SNX24: variants seen among roughly 807,000 people sequenced by gnomAD.
SNX24 encodes sorting nexin 24, also known as sorting nexin-24.
A neutral mutation model predicts 28.7 loss-of-function variants in SNX24; 22 were observed. The observed-to-expected ratio is 0.77, with a 90% CI of 0.55 to 1.10. The LOEUF is 1.10. Among genes scored for constraint, SNX24 ranks in the 50% least tolerant of loss-of-function variants. The probability of loss-of-function intolerance (pLI) is 0.00; values close to 1 mark genes in which losing one functional copy is unlikely to be tolerated. For synonymous variants in SNX24, 69 were observed against 71.5 expected (o/e 0.96, Z 0.18); for missense variants, 221 against 201.1 (o/e 1.10, Z -0.60).
At chr5:122,905,588 A>G (rs77420267) in intron 1 of SNX24, among the ~76,000 whole-genome samples, 4,342 of 152,320 alleles carry the variant, frequency 0.029, 180 homozygotes, top group African/African-American at 0.085. Context: ...ACCAGTAAGT[A>G]TAATACAAAT....
chr5:123,010,563 A>G (rs1762553885), downstream of SNX24, among the ~76,000 whole-genome samples: 1 of 152,214 alleles, frequency 6.6e-6, no homozygotes, highest in Admixed American at 6.5e-5. Context: ...CTGGGATTAC[A>G]GGCATGAGCC....
At chr5:123,024,456 G>C (rs562309489) in intron 5 of SNX24, among the ~76,000 whole-genome samples, 3 of 152,160 alleles carry the variant, frequency 2.0e-5, no homozygotes, top group Non-Finnish European at 2.9e-5. Flanking sequence ...AATGGACCTA[G>C]TTCTAGGTTT....
At chr5:122,873,358 T>C (rs1381165147) in intron 1 of SNX24, among the ~76,000 whole-genome samples, 1 of 152,158 alleles carries the variant, frequency 6.6e-6, no homozygotes, top group Non-Finnish European at 1.5e-5. Context: ...ATGAAGCTGA[T>C]CTTTCTGTGG....
chr5:122,939,996 C>CTTTTTTTTTTT (rs11419088), intron 2 of SNX24, among the ~76,000 whole-genome samples: 3 of 147,686 alleles, frequency 2.0e-5, no homozygotes, highest in African/African-American at 7.5e-5. Flanking sequence ...TTTTCATTTT[C>CTTTTTTTTTTT]TTTTTTTTTT....
chr5:122,969,543 A>C (rs1013457138), intron 3 of SNX24, among the ~76,000 whole-genome samples: 10 of 152,324 alleles, frequency 6.6e-5, no homozygotes, highest in Admixed American at 5.2e-4. Flanking sequence ...TGCAGGATTC[A>C]GGATGAAATC....
intron 5 of SNX24, chr5:123,023,645 G>T: frequency 2.2e-6 from 1 of 448,832 alleles, no homozygotes; most frequent in Non-Finnish European, 3.4e-6. Flanking sequence ...AGCACCACTT[G>T]AGGAAGGGGA....
At position 122,988,080 on chromosome 5, in the gene SNX24, G is replaced by A. The variant is rs139007240; in HGVS notation, c.250-11832G>A. Reference sequence around the variant, plus strand: ...TTCCCTGCCCCCCTTTCCAGGACACGGTTGGAACAGACTGAGGTGAGGGTG... The same window carrying A: ...TTCCCTGCCCCCCTTTCCAGGACACAGTTGGAACAGACTGAGGTGAGGGTG... On this transcript the variant is annotated intron_variant, in intron 3 of 6. Transcript: ENST00000261369. 3.7e-3 allele frequency among the ~76,000 whole-genome samples: 571 copies of A among 152,296 alleles called. 4 individuals carry two copies. Among genetic ancestry groups the A allele is most frequent in the African/African-American group, 0.013 (524 of 41,568 alleles).
intron 1 of SNX24, among the ~76,000 whole-genome samples, chr5:122,868,782 C>G (rs1001873371): frequency 6.6e-6 from 1 of 152,050 alleles, no homozygotes; most frequent in East Asian, 1.9e-4. Context: ...GTTCTTCACT[C>G]AGCCTATAGG....
chr5:122,919,454 A>G (rs563380012), intron 1 of SNX24, among the ~76,000 whole-genome samples: 27 of 152,134 alleles, frequency 1.8e-4, no homozygotes, highest in Non-Finnish European at 3.2e-4. Context: ...AAAGTACAAA[A>G]CTCATTTAGG....
At chr5:122,985,370 G>T (rs1044506876) in intron 3 of SNX24, among the ~76,000 whole-genome samples, 1 of 152,146 alleles carries the variant, frequency 6.6e-6, no homozygotes, top group African/African-American at 2.4e-5. Context: ...TCAAGACCTG[G>T]ATTCTCAACT....
chr5:122,910,659 C>T (rs944486540), intron 1 of SNX24, among the ~76,000 whole-genome samples: 2 of 139,326 alleles, frequency 1.4e-5, no homozygotes, highest in African/African-American at 5.4e-5. Context: ...TGATGTTCCC[C>T]TTCCTGTGTC....
At chr5:123,019,503 A>T (rs535264470) in intron 5 of SNX24, among the ~76,000 whole-genome samples, 40 of 152,376 alleles carry the variant, frequency 2.6e-4, no homozygotes, top group African/African-American at 9.4e-4. Context: ...TTCATCAGAA[A>T]TAAAGTAATT....
intron 3 of SNX24, among the ~76,000 whole-genome samples, chr5:122,974,536 T>C (rs889115119): frequency 6.6e-6 from 1 of 152,250 alleles, no homozygotes; most frequent in African/African-American, 2.4e-5. Context: ...GCCAAATCAA[T>C]GGCTGCATAC....
chr5:122,953,360 C>T (rs955833987), intron 3 of SNX24, among the ~76,000 whole-genome samples: 1 of 152,168 alleles, frequency 6.6e-6, no homozygotes, highest in African/African-American at 2.4e-5. Flanking sequence ...CCGTCTTGGC[C>T]TCCCAGAGTG....
At chr5:123,023,978 TG>T in intron 5 of SNX24, 1 of 1,613,664 alleles carries the variant, frequency 6.2e-7, no homozygotes, top group Non-Finnish European at 8.5e-7. Flanking sequence ...ATCAGTTGCT[TG>T]GAGCTCTATG....
At chr5:122,988,519 C>T (rs1761699339) in intron 3 of SNX24, among the ~76,000 whole-genome samples, 1 of 152,186 alleles carries the variant, frequency 6.6e-6, no homozygotes, top group Admixed American at 6.5e-5. Context: ...GTTAAATCAT[C>T]ATAAAATTTG....
intron 1 of SNX24, among the ~76,000 whole-genome samples, chr5:122,892,501 G>A (rs573029551): frequency 5.3e-5 from 8 of 151,362 alleles, no homozygotes; most frequent in South Asian, 4.2e-4. Context: ...GTGCAGTGGC[G>A]TGATCCTGGC....
chr5:122,846,490 G>T (rs919701591), intron 1 of SNX24, among the ~76,000 whole-genome samples: 1 of 152,212 alleles, frequency 6.6e-6, no homozygotes, highest in Non-Finnish European at 1.5e-5. Context: ...TAAAGAACCT[G>T]TAGGGTTGAA....
intron 1 of SNX24, among the ~76,000 whole-genome samples, chr5:122,893,435 G>T (rs75301370): frequency 0.018 from 2,680 of 152,128 alleles, 40 homozygotes; most frequent in Non-Finnish European, 0.026. Context: ...TGGTAGGTGT[G>T]CTATGGTTAA....
Sources: allele counts gnomAD v4.1 joint callset (sites outside exome capture counted in the v4.1 genomes callset), GRCh38; gene constraint gnomAD v4.1.1; transcripts MANE v1.5; gene names NCBI Gene and HGNC (gene_info 2026-07-23, HGNC 2026-07-21).